The following NUMBL variants were observed in gnomAD, a reference collection of about 807,000 sequenced individuals.
The protein encoded by NUMBL is NUMB like endocytic adaptor protein.
A neutral mutation model predicts 48.9 loss-of-function variants in NUMBL; 20 were observed. The observed-to-expected ratio is 0.41, with a 90% CI of 0.29 to 0.59. The LOEUF is 0.59. Among genes scored for constraint, NUMBL ranks in the 20% least tolerant of loss-of-function variants. The pLI, the probability that NUMBL is intolerant of heterozygous loss-of-function variation, is 0.31. For synonymous variants in NUMBL, 340 were observed against 348.7 expected (o/e 0.98, Z 0.28); for missense variants, 660 against 846.2 (o/e 0.78, Z 2.73).
At position 40,687,675 on chromosome 19, in the gene NUMBL, A is replaced by G. The variant is rs2561537; in HGVS notation, c.25-680T>C. On this transcript the variant is annotated intron_variant, in intron 1 of 9. Transcript: ENST00000252891. The surrounding 1 kb of genome is among the most constrained non-coding windows in gnomAD (Gnocchi z 4.6). The stretch of plus-strand genomic sequence containing the variant: ...CAGTGACAGCTATGTTTCCTCAGGC[A>G]CCCGCCCAAGATACTGACGTCACAG... 0.49 allele frequency among the ~76,000 whole-genome samples: 74,568 copies of G among 151,942 alleles called. 18,478 individuals carry two copies. The highest frequency in any genetic ancestry group is 0.53 in the African/African-American group (21,759 of 41,404).
intron 6 of NUMBL, 133 bp from the exon 7 acceptor site, chr19:40,677,554 C>T (rs2081883870): frequency 1.4e-6 from 1 of 717,842 alleles, no homozygotes; most frequent in Non-Finnish European, 2.2e-6. Flanking sequence ...CCTCAGTGCT[C>T]ATCTGCACCA....
rs867669770 is a variant in NUMBL, at chr19:40,673,208, T to C, written c.1036+136A>G. The C allele has an allele frequency of 3.1e-5, 29 of 922,490 alleles. No homozygotes were observed. Among genetic ancestry groups the C allele is most frequent in the Middle Eastern group, 2.4e-4 (1 of 4,186 alleles). The allele number at this position is 922,490 out of a possible 1,614,324, so 57.1% of individuals were successfully genotyped here. ...CCCACTGCTAATCGATCATGACATG[T>C]TCCCACTCTCTCTCCTTTGCCCATG... On this transcript the variant is annotated intron_variant, in intron 8 of 9. Transcript: ENST00000252891. This position sits in a 1 kb window ranked among gnomAD's most constrained non-coding sequence, Gnocchi z 5.9.
intron 7 of NUMBL, 46 bp downstream of exon 7, chr19:40,677,186 C>T: frequency 6.5e-7 from 1 of 1,540,300 alleles, no homozygotes; most frequent in Middle Eastern, 2.3e-4. Context: ...ATACTGGGTA[C>T]CCTGTGCCCA....
Position 40,667,492 on chromosome 19 carries a change from T to C in NUMBL, c.1806A>G (p.Gln602=), listed in dbSNP as rs149044373. The change falls in exon 10 of 10, where the codon CAA becomes CAG. Residue 602 remains glutamine (Q), a synonymous_variant. Coordinates refer to ENST00000252891, the MANE Select transcript of NUMBL (RefSeq NM_004756.5). This position sits in a 1 kb window ranked among gnomAD's most constrained non-coding sequence, Gnocchi z 6.1. ...KPSNPFSGDL[Q]KTFEIEL ...GCTACAGTTCAATCTCGAATGTCTT[T>C]TGCAGGTCGCCAGAAAAGGGGTTGG... 1,598 of 1,601,158 alleles carry C rather than the reference T, an allele frequency of 1.0e-3. 2 individuals are homozygous for C. Among genetic ancestry groups the C allele is most frequent in the Admixed American group, 3.2e-3 (187 of 57,734 alleles).
chr19:40,669,522 T>A (rs1289282922), intron 9 of NUMBL, among the ~76,000 whole-genome samples: 2 of 152,078 alleles, frequency 1.3e-5, no homozygotes, highest in South Asian at 4.2e-4. Context: ...AGATGATCCA[T>A]GGCTCTAAGA....
intron 2 of NUMBL, chr19:40,684,757 G>A (rs2081925537): frequency 1.4e-6 from 1 of 716,050 alleles, no homozygotes; most frequent in South Asian, 2.1e-5. Context: ...AGAAGCCAGG[G>A]GAGTGCGAAA....
chr19:40,685,379 G>C (rs1019336594), intron 2 of NUMBL: 3 of 154,114 alleles, frequency 1.9e-5, no homozygotes, highest in Admixed American at 6.5e-5. Flanking sequence ...CTCTATATCT[G>C]AGCAGGCAAG....
intron 2 of NUMBL, 118 bp from the exon 3 acceptor site, chr19:40,684,674 G>T: frequency 7.3e-7 from 1 of 1,369,602 alleles, no homozygotes; most frequent in South Asian, 1.5e-5. Context: ...CTGGAAGCGG[G>T]GTTACAGGGT....
intron 9 of NUMBL, among the ~76,000 whole-genome samples, chr19:40,668,916 A>G (rs2081831361): frequency 6.6e-6 from 1 of 152,188 alleles, no homozygotes; most frequent in Non-Finnish European, 1.5e-5. Flanking sequence ...GCTTTCTAAG[A>G]TTCTCGAGTT....
At chr19:40,689,389 G>A (rs2081950359) in intron 1 of NUMBL, among the ~76,000 whole-genome samples, 1 of 151,892 alleles carries the variant, frequency 6.6e-6, no homozygotes, top group African/African-American at 2.4e-5. Flanking sequence ...TAGGGTCACA[G>A]ACACAATCAT....
Position 40,670,039 on chromosome 19 carries a change from C to T in NUMBL, c.1037-19G>A. 1 of 1,611,814 alleles carries T rather than the reference C, an allele frequency of 6.2e-7. No individual in the cohort carries two copies. The highest frequency in any genetic ancestry group is 8.5e-7 in the Non-Finnish European group (1 of 1,178,966). On this transcript the variant is annotated intron_variant, in intron 8 of 9. Coordinates refer to ENST00000252891, the MANE Select transcript of NUMBL (RefSeq NM_004756.5). Reference sequence around the variant, plus strand: ...TCAGGCACTGGGAAGCAGGGCAGGACAGAGGTCAGCAAACAGGCCCAGACC... The same window carrying T: ...TCAGGCACTGGGAAGCAGGGCAGGATAGAGGTCAGCAAACAGGCCCAGACC...
rs1433534591 is a variant in NUMBL at position 40,667,791 on chromosome 19, G to C, written c.1507C>G (p.Pro503Ala). The change falls in exon 10 of 10, where the codon CCC becomes GCC. Residue 503 changes from proline to alanine, a missense_variant. By Grantham distance (27) the Pro-to-Ala change is conservative. Transcript: ENST00000252891. The surrounding 1 kb of genome is among the most constrained non-coding windows in gnomAD (Gnocchi z 6.1). ...GTGATGCCCACCACGGGCACCCGGGGCATCGGTGGGTAGCCCAAGCCCGGG... is the reference window on the plus strand; with the variant it reads ...GTGATGCCCACCACGGGCACCCGGGCCATCGGTGGGTAGCCCAAGCCCGGG... ...AYPGLGYPPM[P>A]RVPVVGITPS... 6.3e-7 allele frequency: 1 copy of C among 1,581,972 alleles called. No individual in the cohort carries two copies. The highest frequency in any genetic ancestry group is 1.2e-5 in the South Asian group (1 of 86,742).
chr19:40,673,355 A>G lies in NUMBL; in HGVS notation c.1025T>C (p.Val342Ala). The change falls in exon 8 of 10, where the codon GTG (valine) becomes GCG (alanine). Residue 342 changes from valine to alanine, a missense_variant. This residue lies in a region of NUMBL where 278 missense variants were observed against 420.6 expected (regional missense o/e 0.66). Transcript: ENST00000252891. This position sits in a 1 kb window ranked among gnomAD's most constrained non-coding sequence, Gnocchi z 5.9. ...STLQRRTDFQ[V>A]KGTVPEMEPP... ...GGCCCAGGGCTCACCTGTGCCCTTC[A>G]CCTGGAAGTCAGTGCGGCGCTGCAG... 6.2e-7 allele frequency: 1 copy of G among 1,611,418 alleles called. No individual in the cohort carries two copies. Among genetic ancestry groups the G allele is most frequent in the Non-Finnish European group, 8.5e-7 (1 of 1,178,020 alleles).
chr19:40,674,992 G>C (rs1352838964), intron 7 of NUMBL, among the ~76,000 whole-genome samples: 1 of 151,754 alleles, frequency 6.6e-6, no homozygotes, highest in African/African-American at 2.4e-5. Flanking sequence ...TACAAAAAAA[G>C]ATTAGCTGGG....
At chr19:40,684,068 G>GTTT (rs10684015) in intron 3 of NUMBL, 35,881 of 124,970 alleles carry the variant, frequency 0.29, 6,164 homozygotes, top group East Asian at 0.42. Flanking sequence ...TACGCTTCAA[G>GTTT]TTTTTTTTTT....
chr19:40,690,436 G>GC (rs1379872888), intron 1 of NUMBL, 24 bp downstream of exon 1: 3 of 1,232,234 alleles, frequency 2.4e-6, no homozygotes, highest in Non-Finnish European at 3.1e-6. Flanking sequence ...CCCGACCCGA[G>GC]CCCCCCTCTC....
At chr19:40,679,858 C>T (rs1274156494) in intron 6 of NUMBL, among the ~76,000 whole-genome samples, 1 of 151,972 alleles carries the variant, frequency 6.6e-6, no homozygotes, top group East Asian at 1.9e-4. Flanking sequence ...ATGGGGTCTC[C>T]TTTAGCGGTG....
In NUMBL at chr19:40,665,932, T is replaced by G. The variant is rs1478746262; in HGVS notation, c.*1536A>C. The G allele has an allele frequency of 6.6e-6, 1 of 152,154 alleles. No individual in the cohort carries two copies. Among genetic ancestry groups the G allele is most frequent in the Non-Finnish European group, 1.5e-5 (1 of 68,042 alleles). The allele number at this position is 152,154 out of a possible 1,614,324, so 9.4% of individuals were successfully genotyped here. On this transcript the variant is annotated 3_prime_UTR_variant, in exon 10 of 10. Transcript: ENST00000252891. Reference sequence around the variant, plus strand: ...TTAAAGAGCTATAACGAAACAAAATTTATATGTTATATATTTTTAAAAATA... The same window carrying G: ...TTAAAGAGCTATAACGAAACAAAATGTATATGTTATATATTTTTAAAAATA...
intron 2 of NUMBL, among the ~76,000 whole-genome samples, chr19:40,686,492 C>G (rs1012163275): frequency 6.6e-6 from 1 of 152,206 alleles, no homozygotes; most frequent in African/African-American, 2.4e-5. Flanking sequence ...GTGTGTATCT[C>G]AGAGTCTGTA....
Sources: allele counts gnomAD v4.1 joint callset (sites outside exome capture counted in the v4.1 genomes callset), GRCh38; gene constraint gnomAD v4.1.1; regional missense constraint gnomAD v4.1.1; non-coding constraint Gnocchi (gnomAD v3.1); transcripts MANE v1.5; gene names NCBI Gene and HGNC (gene_info 2026-07-23, HGNC 2026-07-21).